The following PLXND1 variants were observed in gnomAD, a reference collection of about 807,000 sequenced individuals.
The protein encoded by PLXND1 is plexin-D1.
Under a neutral mutation model 197.7 loss-of-function variants are expected in PLXND1, and 54 were observed. That is an observed-to-expected ratio of 0.27 (90% CI 0.22 to 0.34). The LOEUF (loss-of-function observed/expected upper bound fraction) is 0.34, where lower values mean the gene tolerates loss of function less well. PLXND1 is among the 10% of genes least tolerant of loss of function. PLXND1 has a pLI of 1.00. For missense variants in PLXND1, 2,127 were observed against 2,699.2 expected, an observed-to-expected ratio of 0.79 and a Z score of 4.70; for synonymous variants, 1,180 against 1,161.2, an observed-to-expected ratio of 1.02 and a Z score of -0.33.
In PLXND1 at chr3:129,589,334, T is replaced by TC; in HGVS notation, c.1488+16dup. ...CTCCCACCCCCACCCCCTCCCCACA[T>TC]CCCCAACCATACCTACCTTGAGAAG... On this transcript the variant is annotated intron_variant, in intron 2 of 35. Coordinates refer to ENST00000324093, the MANE Select transcript of PLXND1 (RefSeq NM_015103.3). 2 of 483,346 alleles carry TC rather than the reference T, an allele frequency of 4.1e-6. No individual in the cohort carries two copies. Among genetic ancestry groups the TC allele is most frequent in the South Asian group, 2.5e-5 (1 of 39,886 alleles). The allele number at this position is 483,346 out of a possible 1,614,324, so 29.9% of individuals were successfully genotyped here. A position where few individuals can be genotyped will look rare whatever the true frequency, so the allele number is the denominator to read the frequency against.
intron 1 of PLXND1, among the ~76,000 whole-genome samples, chr3:129,593,808 A>G (rs1039612197): frequency 6.6e-6 from 1 of 150,766 alleles, no homozygotes. Flanking sequence ...TCCTGTAAAA[A>G]CCTCACTTTA....
At chr3:129,598,798 C>T (rs902996080) in intron 1 of PLXND1, among the ~76,000 whole-genome samples, 16 of 152,100 alleles carry the variant, frequency 1.1e-4, no homozygotes, top group African/African-American at 3.9e-4. Context: ...GAAGCCTGCT[C>T]CACCTGGAGC....
At position 129,571,762 on chromosome 3, in the gene PLXND1, G is replaced by A. The variant is rs761956464; in HGVS notation, c.3160C>T (p.Arg1054Trp). The A allele has an allele frequency of 6.8e-6, 11 of 1,613,348 alleles. No individual in the cohort carries two copies. The highest frequency in any genetic ancestry group is 2.2e-5 in the South Asian group (2 of 91,076). Residue 1054 changes from arginine (R) to tryptophan (W), a missense_variant, in exon 16 of 36, where the codon CGG (arginine) becomes TGG (tryptophan). Transcript: ENST00000324093. The part of the protein sequence containing the change: ...PVPVCVRFER[R>W]GCVHGNLTFW... ...GTGAGGTTGCCGTGCACGCAGCCCC[G>A]ACGCTCGAAGCGCACACACACAGGC...
At chr3:129,589,564 A>G in intron 1 of PLXND1, 37 bp from the exon 2 acceptor site, 1 of 1,512,200 alleles carries the variant, frequency 6.6e-7, no homozygotes, top group Non-Finnish European at 8.8e-7. Flanking sequence ...CCAGCTCCAG[A>G]ACCTTCTCCG....
chr3:129,555,990 T>G lies in PLXND1; in HGVS notation c.*322A>C. On this transcript the variant is annotated 3_prime_UTR_variant, in exon 36 of 36. Coordinates refer to ENST00000324093, the MANE Select transcript of PLXND1 (RefSeq NM_015103.3). ...TTGGCCGCCTGGATGCACGGGGCTC[T>G]TGGCAGCAGGACCAACTGGACGTTG... 1 of 322,602 alleles carries G rather than the reference T, an allele frequency of 3.1e-6. No individual in the cohort carries two copies. The highest frequency in any genetic ancestry group is 5.7e-6 in the Non-Finnish European group (1 of 174,350). 20.0% of individuals were successfully genotyped at this position (322,602 alleles called of 1,614,324 possible). A position where few individuals can be genotyped will look rare whatever the true frequency, so the allele number is the denominator to read the frequency against.
chr3:129,560,481 GGCC>G (rs2085041473), intron 30 of PLXND1, 47 bp from the exon 31 acceptor site: 1 of 1,331,384 alleles, frequency 7.5e-7, no homozygotes, highest in Admixed American at 1.8e-5. Context: ...CCCCATCCTC[GGCC>G]GCCTGTGGGA....
rs529477028 is a variant in PLXND1 at position 129,555,277 on chromosome 3, C to A, written c.*1035G>T. The A allele has an allele frequency of 4.1e-6, 2 of 485,946 alleles. No individual in the cohort carries two copies. The highest frequency in any genetic ancestry group is 7.2e-6 in the Non-Finnish European group (2 of 278,818). 30.1% of individuals were successfully genotyped at this position (485,946 alleles called of 1,614,324 possible). A position where few individuals can be genotyped will look rare whatever the true frequency, so the allele number is the denominator to read the frequency against. ...CAGAGTCCCAGCTGCCCCCCTCCAG[C>A]CCCCATGGGCTCTGAGCCAGTCCCA... On this transcript the variant is annotated 3_prime_UTR_variant, in exon 36 of 36. Coordinates refer to ENST00000324093, the MANE Select transcript of PLXND1 (RefSeq NM_015103.3).
intron 23 of PLXND1, 42 bp from the exon 24 acceptor site, chr3:129,566,059 T>C (rs763322787): frequency 1.2e-6 from 2 of 1,609,608 alleles, no homozygotes; most frequent in Non-Finnish European, 1.7e-6. Context: ...AGGGGCCCAG[T>C]GTCCCTGCCT....
chr3:129,604,332 A>G (rs554080426), intron 1 of PLXND1, among the ~76,000 whole-genome samples: 4 of 152,346 alleles, frequency 2.6e-5, no homozygotes, highest in Admixed American at 2.0e-4. Context: ...ATCCAAGTCC[A>G]GAAGGCAGCA....
intron 1 of PLXND1, among the ~76,000 whole-genome samples, chr3:129,592,402 T>C (rs1034060549): frequency 6.6e-6 from 1 of 152,188 alleles, no homozygotes; most frequent in African/African-American, 2.4e-5. Flanking sequence ...TGTTTAAAAT[T>C]AAAATTGTGA....
intron 1 of PLXND1, among the ~76,000 whole-genome samples, chr3:129,595,351 C>T (rs998754670): frequency 4.6e-5 from 7 of 152,254 alleles, no homozygotes; most frequent in South Asian, 2.1e-4. Flanking sequence ...AGGACGGACT[C>T]GGTCCTGGGT....
chr3:129,606,057 C>T lies in PLXND1; in HGVS notation c.583G>A (p.Val195Ile), dbSNP rs761033342. Residue 195 changes from valine (V) to isoleucine (I), a missense_variant, in exon 1 of 36, where the codon GTT becomes ATT. Around this residue, in one of 6 missense-constraint regions of PLXND1, gnomAD observed 1,095 missense variants for 1,259.8 expected, o/e 0.87. Transcript: ENST00000324093. The stretch of plus-strand genomic sequence containing the variant: ...CCCGCGCCCGCGGCGGGAGGCAGAA[C>T]TAGCCCCACGGTGGACGCGTTCGGG... ...NHPNASTVGL[V>I]LPPAAGAGGS... 5.1e-5 allele frequency: 81 copies of T among 1,584,436 alleles called. No homozygotes were observed. Among genetic ancestry groups the T allele is most frequent in the Non-Finnish European group, 6.7e-5 (78 of 1,170,000 alleles).
At chr3:129,572,523 C>G in intron 15 of PLXND1, 86 bp downstream of exon 15, 1 of 1,233,738 alleles carries the variant, frequency 8.1e-7, no homozygotes, top group South Asian at 1.8e-5. Context: ...AGAGGCTTGG[C>G]TCAAGGATGT....
rs761800196 is a variant in PLXND1 at position 129,605,774 on chromosome 3, G to A, written c.866C>T (p.Pro289Leu). 1.1e-4 allele frequency: 168 copies of A among 1,575,766 alleles called. No homozygotes were observed. The highest frequency in any genetic ancestry group is 1.4e-4 in the Non-Finnish European group (161 of 1,162,200). ...CGCGTAGGACTGTGCACCCGGCGGC[G>A]GGTCGGACGGGTGCAGGAAGGCGCT... ...FVSAFLHPSD[P>L]PPGAQSYAYL... The change falls in exon 1 of 36, where the codon CCG becomes CTG. Residue 289 changes from proline to leucine, a missense_variant. By Grantham distance (98) the Pro-to-Leu change is moderately conservative (BLOSUM62 -3). Coordinates refer to ENST00000324093, the MANE Select transcript of PLXND1 (RefSeq NM_015103.3).
At chr3:129,594,371 C>T (rs541616069) in intron 1 of PLXND1, among the ~76,000 whole-genome samples, 17 of 152,240 alleles carry the variant, frequency 1.1e-4, no homozygotes, top group Non-Finnish European at 2.2e-4. Flanking sequence ...GTAATCCCAG[C>T]GCTTTGGGAG....
chr3:129,584,024 T>C, intron 7 of PLXND1, 101 bp downstream of exon 7: 1 of 735,154 alleles, frequency 1.4e-6, no homozygotes, highest in Non-Finnish European at 2.4e-6. Context: ...ACCTCTACGA[T>C]GCTATGATTT....
chr3:129,606,671 G>C lies in PLXND1; in HGVS notation c.-32C>G, dbSNP rs1377779778. 134 of 896,016 alleles carry C rather than the reference G, an allele frequency of 1.5e-4. No homozygotes were observed. In the African/African-American group the frequency reaches 2.2e-3, roughly 15 times the overall value. The allele number at this position is 896,016 out of a possible 1,614,324, so 55.5% of individuals were successfully genotyped here. ...GTGCGCGGGCTGCGCGGCGCGGCGAGTGCATGGGGCGAGGCGCGGCCGGGA... is the reference window on the plus strand; with the variant it reads ...GTGCGCGGGCTGCGCGGCGCGGCGACTGCATGGGGCGAGGCGCGGCCGGGA... On this transcript the variant is annotated 5_prime_UTR_variant, in exon 1 of 36. Transcript: ENST00000324093.
chr3:129,593,670 C>CGAGTGACTGA (rs1448844624), intron 1 of PLXND1, among the ~76,000 whole-genome samples: 1 of 152,228 alleles, frequency 6.6e-6, no homozygotes, highest in Admixed American at 6.5e-5. Context: ...CTCTCTAAGT[C>CGAGTGACTGA]GAGTGACTGA....
intron 1 of PLXND1, among the ~76,000 whole-genome samples, chr3:129,603,918 C>A (rs2085746568): frequency 1.3e-5 from 2 of 152,256 alleles, no homozygotes; most frequent in South Asian, 4.1e-4. Flanking sequence ...GTGGGCTCGC[C>A]AGACTCAGAT....
Sources: gnomAD v4.1 joint callset for allele counts (sites outside exome capture counted in the v4.1 genomes callset) on GRCh38, gnomAD v4.1.1 for gene constraint, gnomAD v4.1.1 regional missense constraint, MANE v1.5 for transcripts, NCBI Gene and HGNC (gene_info 2026-07-23, HGNC 2026-07-21) for gene names.